The following PRR5L variants were observed in gnomAD, a reference collection of about 807,000 sequenced individuals.
The protein encoded by PRR5L is proline-rich protein 5-like.
PRR5L carries 21 observed loss-of-function variants against 36.4 expected under a neutral mutation model. The observed-to-expected ratio is 0.58, with a 90% CI of 0.41 to 0.83. PRR5L has a LOEUF of 0.83. PRR5L is among the 40% of genes least tolerant of loss of function. The probability of loss-of-function intolerance (pLI) is 0.00; values close to 1 mark genes in which losing one functional copy is unlikely to be tolerated. For synonymous variants in PRR5L, 188 were observed against 197.0 expected, an observed-to-expected ratio of 0.95 and a Z score of 0.38; for missense variants, 381 against 473.3, an observed-to-expected ratio of 0.80 and a Z score of 1.81.
rs1207814838 is a variant in PRR5L, at chr11:36,345,878, T to G, written c.-126+49440T>G. 2.0e-5 allele frequency among the ~76,000 whole-genome samples: 3 copies of G among 152,212 alleles called. No homozygotes were observed. The South Asian group carries it at 6.2e-4, about 31-fold the overall frequency. ...GACAAGATTTTCACTTGGAGACATA[T>G]TCTGTTTCCTAAAAGTATAATTCCT... On this transcript the variant is annotated intron_variant, in intron 1 of 8. Coordinates refer to ENST00000530639, the MANE Select transcript of PRR5L (RefSeq NM_001160167.2).
At position 36,396,962 on chromosome 11, in the gene PRR5L, G is replaced by A. The variant is rs1447604586; in HGVS notation, c.-125-4035G>A. Among the ~76,000 whole-genome samples the A allele has an allele frequency of 3.1e-4, 47 of 152,152 alleles. 1 individual carries two copies. Among genetic ancestry groups the A allele is most frequent in the Admixed American group, 3.1e-3 (47 of 15,280 alleles). ...TGGCTGAGTTTGGTAGCATGGAAAA[G>A]TGGGAATGGGCTGGAGAATGAGGCA... On this transcript the variant is annotated intron_variant, in intron 1 of 8. Coordinates refer to ENST00000530639, the MANE Select transcript of PRR5L (RefSeq NM_001160167.2).
chr11:36,320,659 G>A (rs1246419219), intron 1 of PRR5L, among the ~76,000 whole-genome samples: 1 of 152,196 alleles, frequency 6.6e-6, no homozygotes, highest in Non-Finnish European at 1.5e-5. Flanking sequence ...AGCTATGCAT[G>A]CTACTTGCTT....
At chr11:36,310,058 CA>C (rs894346815) in intron 1 of PRR5L, among the ~76,000 whole-genome samples, 4 of 24,164 alleles carry the variant, frequency 1.7e-4, no homozygotes, top group Admixed American at 1.5e-3. Flanking sequence ...TGTGTCCTCT[CA>C]AAAGAACACA....
intron 1 of PRR5L, among the ~76,000 whole-genome samples, chr11:36,346,411 G>A (rs1466663919): frequency 6.6e-6 from 1 of 151,990 alleles, no homozygotes; most frequent in Non-Finnish European, 1.5e-5. Context: ...GTGAAACCCC[G>A]GCTCAACTAA....
In PRR5L at chr11:36,449,156, T is replaced by C. The variant is rs561172567; in HGVS notation, c.586-2053T>C. On this transcript the variant is annotated intron_variant, in intron 7 of 8. Transcript: ENST00000530639. ...GATGTGACTGTGAAGAACCCGGATC[T>C]TTCCCCGGCCCAAGTCCATCTTGAG... 4.3e-3 allele frequency among the ~76,000 whole-genome samples: 660 copies of C among 152,340 alleles called. 3 individuals are homozygous for C. Among genetic ancestry groups the C allele is most frequent in the Non-Finnish European group, 7.1e-3 (486 of 68,034 alleles).
intron 1 of PRR5L, among the ~76,000 whole-genome samples, chr11:36,316,768 A>G (rs1319079035): frequency 1.3e-5 from 2 of 152,188 alleles, no homozygotes; most frequent in Non-Finnish European, 2.9e-5. Context: ...CCCCTAAAAC[A>G]TAATTTCTAA....
intron 6 of PRR5L, among the ~76,000 whole-genome samples, chr11:36,439,964 T>A (rs1858686576): frequency 6.6e-6 from 1 of 152,118 alleles, no homozygotes; most frequent in Non-Finnish European, 1.5e-5. Context: ...AAAAGTGAAT[T>A]CTGGATTAGT....
chr11:36,300,950 T>C (rs1856369231), intron 1 of PRR5L: 2 of 152,370 alleles, frequency 1.3e-5, no homozygotes, highest in African/African-American at 4.8e-5. Context: ...CACTCAGCAA[T>C]TATTTAACAA....
intron 1 of PRR5L, among the ~76,000 whole-genome samples, chr11:36,372,787 A>T (rs577208556): frequency 6.6e-6 from 1 of 152,320 alleles, no homozygotes; most frequent in African/African-American, 2.4e-5. Context: ...CAAGCTGAAA[A>T]ATCTGTATTT....
chr11:36,448,712 C>T (rs1176284000), intron 7 of PRR5L, among the ~76,000 whole-genome samples: 1 of 152,134 alleles, frequency 6.6e-6, no homozygotes, highest in Non-Finnish European at 1.5e-5. Flanking sequence ...CTTCTCTTGG[C>T]AGAGGGAAGT....
chr11:36,392,319 T>C (rs1165657571), intron 1 of PRR5L, among the ~76,000 whole-genome samples: 1 of 152,358 alleles, frequency 6.6e-6, no homozygotes, highest in East Asian at 1.9e-4. Context: ...TTCCTTTCTT[T>C]TGGGTATATA....
chr11:36,314,661 C>G (rs1856537250), intron 1 of PRR5L, among the ~76,000 whole-genome samples: 1 of 152,318 alleles, frequency 6.6e-6, no homozygotes, highest in Non-Finnish European at 1.5e-5. Context: ...CTGTTTAGCT[C>G]TGTCCCTGCT....
At chr11:36,428,209 G>GA (rs1858422647) in intron 4 of PRR5L, among the ~76,000 whole-genome samples, 1 of 152,176 alleles carries the variant, frequency 6.6e-6, no homozygotes, top group South Asian at 2.1e-4. Context: ...GTAGGTGCCT[G>GA]AAAATCCCTC....
intron 3 of PRR5L, 30 bp downstream of exon 3, chr11:36,403,408 T>C: frequency 6.3e-7 from 1 of 1,598,900 alleles, no homozygotes; most frequent in Non-Finnish European, 8.6e-7. Flanking sequence ...TGGTGCCATT[T>C]TCCCCTATAA....
intron 1 of PRR5L, among the ~76,000 whole-genome samples, chr11:36,351,675 T>TAATTTA: frequency 6.4e-4 from 1 of 1,570 alleles, no homozygotes; most frequent in Middle Eastern, 0.25. Flanking sequence ...ATTTATATAC[T>TAATTTA]TATATATTTA....
intron 5 of PRR5L, among the ~76,000 whole-genome samples, chr11:36,433,179 T>A (rs1858536312): frequency 6.6e-6 from 1 of 152,222 alleles, no homozygotes; most frequent in Non-Finnish European, 1.5e-5. Flanking sequence ...GTTAATTATA[T>A]TTACATTGTT....
intron 4 of PRR5L, among the ~76,000 whole-genome samples, chr11:36,420,954 G>C (rs1174171909): frequency 6.6e-6 from 1 of 151,944 alleles, no homozygotes; most frequent in Non-Finnish European, 1.5e-5. Flanking sequence ...TGTCTCAGCT[G>C]CTTGGAAGAC....
At chr11:36,401,387 CG>C (rs1242722536) in intron 2 of PRR5L, 102 bp downstream of exon 2, 1 of 1,151,212 alleles carries the variant, frequency 8.7e-7, no homozygotes, top group Non-Finnish European at 1.2e-6. Context: ...CTGGGAAGGC[CG>C]TGATTATGGG....
chr11:36,377,307 G>A lies in PRR5L; in HGVS notation c.-125-23690G>A, dbSNP rs1857283109. Among the ~76,000 whole-genome samples the A allele has an allele frequency of 6.6e-6, 1 of 152,218 alleles. No homozygotes were observed. The highest frequency in any genetic ancestry group is 1.5e-5 in the Non-Finnish European group (1 of 68,040). ...AGCCAGTGGGGATCCCGCCGGGACGGGCTGTGAGCAAGCCCTGGGACGGCC... is the reference window on the plus strand; with the variant it reads ...AGCCAGTGGGGATCCCGCCGGGACGAGCTGTGAGCAAGCCCTGGGACGGCC... On this transcript the variant is annotated intron_variant, in intron 1 of 8. Coordinates refer to ENST00000530639, the MANE Select transcript of PRR5L (RefSeq NM_001160167.2). This position sits in a 1 kb window ranked among gnomAD's most constrained non-coding sequence, Gnocchi z 5.1.
Sources: allele counts gnomAD v4.1 joint callset (sites outside exome capture counted in the v4.1 genomes callset), GRCh38; gene constraint gnomAD v4.1.1; non-coding constraint Gnocchi (gnomAD v3.1); transcripts MANE v1.5; gene names NCBI Gene and HGNC (gene_info 2026-07-23, HGNC 2026-07-21).